VWA5A: variants seen among roughly 807,000 people sequenced by gnomAD.
VWA5A encodes the protein von Willebrand factor A domain-containing protein 5A.
A neutral mutation model predicts 84.6 loss-of-function variants in VWA5A; 77 were observed. That is an observed-to-expected ratio of 0.91 (90% CI 0.76 to 1.10). The LOEUF is 1.10. Among genes scored for constraint, VWA5A ranks in the 50% least tolerant of loss-of-function variants. The probability of loss-of-function intolerance (pLI) is 0.00; values close to 1 mark genes in which losing one functional copy is unlikely to be tolerated. For synonymous variants in VWA5A, 334 were observed against 350.1 expected (o/e 0.95, Z 0.51); for missense variants, 973 against 963.0 (o/e 1.01, Z -0.14).
At chr11:124,144,265 A>C (rs1451251429) in intron 17 of VWA5A, among the ~76,000 whole-genome samples, 1 of 152,208 alleles carries the variant, frequency 6.6e-6, no homozygotes, top group African/African-American at 2.4e-5. Flanking sequence ...CAGGTAGAGA[A>C]GAGAGCATTT....
At chr11:124,145,042 C>T (rs796506614) in intron 17 of VWA5A, among the ~76,000 whole-genome samples, 195 bp from the exon 18 acceptor site, 10 of 152,260 alleles carry the variant, frequency 6.6e-5, no homozygotes, top group African/African-American at 2.2e-4. Context: ...TTTTCTATTT[C>T]GAGACTCAAT....
intron 7 of VWA5A, among the ~76,000 whole-genome samples, chr11:124,121,033 C>T (rs1288629963): frequency 2.0e-5 from 3 of 152,088 alleles, no homozygotes; most frequent in Non-Finnish European, 2.9e-5. Context: ...CTTCCCAGGT[C>T]GTATATTTAG....
At chr11:124,122,750 C>A (rs577238061) in intron 7 of VWA5A, among the ~76,000 whole-genome samples, 14 of 152,118 alleles carry the variant, frequency 9.2e-5, no homozygotes, top group Non-Finnish European at 1.9e-4. Context: ...TATCCTCTTT[C>A]TTCTCTTTCA....
intron 7 of VWA5A, 42 bp from the exon 8 acceptor site, chr11:124,122,918 A>T: frequency 1.3e-6 from 2 of 1,570,074 alleles, no homozygotes; most frequent in Non-Finnish European, 1.7e-6. Flanking sequence ...AGGATTCTTG[A>T]GTTCCTTTTT....
In VWA5A at chr11:124,141,614, A is replaced by G; in HGVS notation, c.1896A>G (p.Leu632=). The part of the protein sequence containing the change: ...IKCQSGFRKA[L]HSDRPPSASQ... Reference sequence around the variant, plus strand: ...TTTTTTCAGGTTTTCGAAAGGCCTTACACTCTGACCGTCCTCCTTCTGCAT... The same window carrying G: ...TTTTTTCAGGTTTTCGAAAGGCCTTGCACTCTGACCGTCCTCCTTCTGCAT... Residue 632 remains leucine (L), a synonymous_variant, in exon 16 of 19, where the codon TTA becomes TTG. Transcript: ENST00000456829. 2 of 1,614,144 alleles carry G rather than the reference A, an allele frequency of 1.2e-6. No individual in the cohort carries two copies. Among genetic ancestry groups the G allele is most frequent in the Non-Finnish European group, 1.7e-6 (2 of 1,180,026 alleles).
At position 124,145,966 on chromosome 11, in the gene VWA5A, A is replaced by T. The variant is rs1339740964; in HGVS notation, c.*21A>T. ...TTTGAAGATACCATCCAGAAAAAGA[A>T]GTGCCTTTAATTTGCTACTGTCATT... On this transcript the variant is annotated 3_prime_UTR_variant, in exon 19 of 19. Transcript: ENST00000456829. 1.3e-5 allele frequency: 21 copies of T among 1,570,330 alleles called. No individual in the cohort carries two copies. The highest frequency in any genetic ancestry group is 1.7e-5 in the Non-Finnish European group (20 of 1,154,126).
intron 1 of VWA5A, 116 bp downstream of exon 1, chr11:124,115,598 T>C (rs1447643968): frequency 1.3e-5 from 2 of 152,088 alleles, no homozygotes; most frequent in Non-Finnish European, 2.9e-5. Context: ...GCTCCTTGAA[T>C]TGCACGCCCC....
chr11:124,133,325 A>G (rs947254171), intron 11 of VWA5A, among the ~76,000 whole-genome samples: 3 of 152,120 alleles, frequency 2.0e-5, no homozygotes, highest in African/African-American at 2.4e-5. Flanking sequence ...GGAAAGTGCA[A>G]ATTGATATTT....
Position 124,117,731 on chromosome 11 carries a change from T to A in VWA5A, c.102T>A (p.Ser34=). The part of the protein sequence containing the change: ...VNIYEFVAGV[S]ATLNYENEEK... ...TTTACGAGTTTGTGGCTGGTGTGTC[T>A]GCAACTTTGAACTACGAGAATGAGG... is the stretch of plus-strand genomic sequence containing the variant. Residue 34 remains serine, a synonymous_variant, in exon 4 of 19, where the codon TCT becomes TCA. Coordinates refer to ENST00000456829, the MANE Select transcript of VWA5A (RefSeq NM_001130142.2). The A allele has an allele frequency of 6.2e-7, 1 of 1,614,230 alleles. No individual in the cohort carries two copies. Among genetic ancestry groups the A allele is most frequent in the Non-Finnish European group, 8.5e-7 (1 of 1,180,038 alleles).
Position 124,136,293 on chromosome 11 carries a change from A to G in VWA5A, c.1524A>G (p.Pro508=), listed in dbSNP as rs758748913. The change falls in exon 13 of 19, where the codon CCA becomes CCG. Residue 508 remains proline (P), a splice_region_variant and synonymous_variant. Coordinates refer to ENST00000456829, the MANE Select transcript of VWA5A (RefSeq NM_001130142.2). ...ISYAQLTGRM[P]AAETTGEVCL... Reference sequence around the variant, plus strand: ...ATGCCCAGCTGACCGGGAGGATGCCAGTGAGTTCCCATTCTTATTTGTTCC... The same window carrying G: ...ATGCCCAGCTGACCGGGAGGATGCCGGTGAGTTCCCATTCTTATTTGTTCC... 1.9e-6 allele frequency: 3 copies of G among 1,611,668 alleles called. No homozygotes were observed. The highest frequency in any genetic ancestry group is 1.7e-5 in the Admixed American group (1 of 59,990).
Position 124,147,225 on chromosome 11 carries a change from AG to A in VWA5A, c.*1281del, listed in dbSNP as rs1195968996. On this transcript the variant is annotated 3_prime_UTR_variant, in exon 19 of 19. Transcript: ENST00000456829. ...AGGCTGACTTCTTTTATATGAAGCA[AG>A]TAAAGGATACTAATAAGAATACCAC... The A allele has an allele frequency of 6.6e-6, 1 of 152,342 alleles. No homozygotes were observed. The highest frequency in any genetic ancestry group is 1.5e-5 in the Non-Finnish European group (1 of 68,036). The allele number at this position is 152,342 out of a possible 1,614,324, so 9.4% of individuals were successfully genotyped here.
At chr11:124,133,213 C>T (rs61907093) in intron 11 of VWA5A, among the ~76,000 whole-genome samples, 23,649 of 152,060 alleles carry the variant, frequency 0.16, 2,280 homozygotes, top group Middle Eastern at 0.33. Flanking sequence ...ACTTCAGTCG[C>T]GGTGATGGCT....
chr11:124,119,048 C>G lies in VWA5A; in HGVS notation c.719C>G (p.Pro240Arg), dbSNP rs1344858081. The change falls in exon 7 of 19, where the codon CCC (proline) becomes CGC (arginine). Residue 240 changes from proline to arginine, a missense_variant. Coordinates refer to ENST00000456829, the MANE Select transcript of VWA5A (RefSeq NM_001130142.2). ...ATTTACTACAATGAGGTGCATACCC[C>G]CAGCGTGGTTTTGGAGATGGGGATG... ...LLIYYNEVHT[P>R]SVVLEMGMPN... is the part of the protein sequence containing the mutation. The G allele has an allele frequency of 1.2e-6, 2 of 1,614,086 alleles. No homozygotes were observed. The highest frequency in any genetic ancestry group is 2.2e-5 in the East Asian group (1 of 44,894).
chr11:124,142,016 A>G (rs1242246487), intron 16 of VWA5A, among the ~76,000 whole-genome samples: 1 of 152,140 alleles, frequency 6.6e-6, no homozygotes, highest in African/African-American at 2.4e-5. Context: ...TTTACCCAGG[A>G]GTTCATCTGT....
chr11:124,124,154 T>C, intron 10 of VWA5A, 83 bp from the exon 11 acceptor site: 4 of 1,316,532 alleles, frequency 3.0e-6, no homozygotes, highest in Admixed American at 2.0e-5. Context: ...TGCAATGAAA[T>C]AGGTGGATTT....
intron 11 of VWA5A, among the ~76,000 whole-genome samples, chr11:124,134,125 G>C (rs1481777939): frequency 6.6e-6 from 1 of 152,206 alleles, no homozygotes; most frequent in Non-Finnish European, 1.5e-5. Flanking sequence ...GTGATATCAA[G>C]ATGCTGTCAG....
At chr11:124,133,217 G>A (rs764807652) in intron 11 of VWA5A, among the ~76,000 whole-genome samples, 9 of 152,158 alleles carry the variant, frequency 5.9e-5, no homozygotes, top group Non-Finnish European at 8.8e-5. Flanking sequence ...CAGTCGCGGT[G>A]ATGGCTGGTC....
chr11:124,141,459 A>G lies in VWA5A; in HGVS notation c.1880-139A>G, dbSNP rs1860725969. 4.8e-6 allele frequency: 5 copies of G among 1,031,902 alleles called. No homozygotes were observed. The Admixed American group carries it at 1.3e-4, about 26-fold the overall frequency. 63.9% of individuals were successfully genotyped at this position (1,031,902 alleles called of 1,614,324 possible). A position where few individuals can be genotyped will look rare whatever the true frequency, so the allele number is the denominator to read the frequency against. On this transcript the variant is annotated intron_variant, in intron 15 of 18. Coordinates refer to ENST00000456829, the MANE Select transcript of VWA5A (RefSeq NM_001130142.2). ...GTGAGGGTTTGCGCAGGAGGTGGGC[A>G]TATGAGAGAAAAATAGCACAGTAAG...
chr11:124,123,144 TTTCCTC>T lies in VWA5A; in HGVS notation c.930+19_930+24del. On this transcript the variant is annotated intron_variant, in intron 8 of 18. Transcript: ENST00000456829. Reference sequence around the variant, plus strand: ...AGGCAGCCAAGGTAAAGCTAGTTTCTTTCCTCTTCTGGGTCACATGCTCAAGTGAGG... The same window carrying T: ...AGGCAGCCAAGGTAAAGCTAGTTTCTTTCTGGGTCACATGCTCAAGTGAGG... The T allele has an allele frequency of 6.2e-7, 1 of 1,605,922 alleles. No homozygotes were observed. The highest frequency in any genetic ancestry group is 8.5e-7 in the Non-Finnish European group (1 of 1,177,408).
Sources: gnomAD v4.1 joint callset for allele counts (sites outside exome capture counted in the v4.1 genomes callset) on GRCh38, gnomAD v4.1.1 for gene constraint, MANE v1.5 for transcripts, NCBI Gene and HGNC (gene_info 2026-07-23, HGNC 2026-07-21) for gene names.